PTPDC1: variants seen among roughly 807,000 people sequenced by gnomAD.
The protein encoded by PTPDC1 is protein tyrosine phosphatase domain containing 1, also known as protein tyrosine phosphatase domain-containing protein 1.
In PTPDC1, 53 loss-of-function variants were observed where a neutral mutation model predicts 75.3. The ratio of observed to expected loss-of-function variants is 0.70; its 90% CI spans 0.56 to 0.88. The LOEUF (loss-of-function observed/expected upper bound fraction) is 0.88, where lower values mean the gene tolerates loss of function less well. Ranked by LOEUF, PTPDC1 falls within the 40% of genes least tolerant of loss-of-function variation. PTPDC1 has a pLI of 0.00. For synonymous variants in PTPDC1, 349 were observed against 366.2 expected, an observed-to-expected ratio of 0.95 and a Z score of 0.54; for missense variants, 925 against 998.6, an observed-to-expected ratio of 0.93 and a Z score of 0.99.
intron 8 of PTPDC1, 131 bp downstream of exon 8, chr9:94,104,516 G>A (rs531382870): frequency 1.7e-6 from 1 of 581,272 alleles, no homozygotes; most frequent in South Asian, 2.7e-5. Context: ...ATGGAAATCT[G>A]TTTGACATTT....
At chr9:94,074,504 G>A (rs184679902) in intron 2 of PTPDC1, among the ~76,000 whole-genome samples, 52 of 152,190 alleles carry the variant, frequency 3.4e-4, no homozygotes, top group East Asian at 9.6e-4. Context: ...GCTCATTCCC[G>A]GCTGGGCCCT....
chr9:94,068,166 A>AT (rs777107044), intron 2 of PTPDC1, among the ~76,000 whole-genome samples: 11 of 151,910 alleles, frequency 7.2e-5, no homozygotes, highest in Non-Finnish European at 1.3e-4. Context: ...TGTGATGTTA[A>AT]TTTTTTTATT....
chr9:94,040,782 A>G (rs921263041), intron 1 of PTPDC1, among the ~76,000 whole-genome samples: 3 of 152,182 alleles, frequency 2.0e-5, no homozygotes, highest in Non-Finnish European at 2.9e-5. Flanking sequence ...CATTGCCAAG[A>G]TAATGTTCTG....
chr9:94,089,126 T>A (rs1827186298), intron 4 of PTPDC1, among the ~76,000 whole-genome samples: 1 of 150,096 alleles, frequency 6.7e-6, no homozygotes, highest in South Asian at 2.1e-4. Flanking sequence ...ATGTGCACAT[T>A]GTGCAGGTTA....
intron 8 of PTPDC1, among the ~76,000 whole-genome samples, chr9:94,104,868 T>C (rs1369141681): frequency 1.3e-5 from 2 of 152,218 alleles, no homozygotes; most frequent in Non-Finnish European, 2.9e-5. Context: ...CCCATCCTTT[T>C]GGATGCAGCA....
intron 1 of PTPDC1, 131 bp downstream of exon 1, chr9:94,084,905 C>G: frequency 1.5e-6 from 1 of 656,750 alleles, no homozygotes; most frequent in South Asian, 2.3e-5. Context: ...GTCTGTTATG[C>G]TATTTTAGTG....
Position 94,084,539 on chromosome 9 carries a change from G to T in PTPDC1, c.9G>T (p.Val3=). The change falls in exon 1 of 9, where the codon GTG becomes GTT. Residue 3 remains valine, a synonymous_variant. Coordinates refer to ENST00000620992, the MANE Select transcript of PTPDC1 (RefSeq NM_001253829.2). ...TCTTGCCTCCCAGTGCCATGCAGGT[G>T]CAGGATGCAACCAGGCGGCCCTCAG... The part of the protein sequence containing the change: MQ[V]QDATRRPSAV... 3 of 1,611,234 alleles carry T rather than the reference G, an allele frequency of 1.9e-6. No homozygotes were observed. Among genetic ancestry groups the T allele is most frequent in the Non-Finnish European group, 2.5e-6 (3 of 1,179,964 alleles).
Position 94,095,426 on chromosome 9 carries a change from C to G in PTPDC1, c.726C>G (p.Ile242Met), listed in dbSNP as rs767761321. Residue 242 changes from isoleucine to methionine, a missense_variant, in exon 5 of 9, where the codon ATC (isoleucine) becomes ATG (methionine). By Grantham distance (10) the Ile-to-Met change is conservative (BLOSUM62 1). Transcript: ENST00000620992. The stretch of plus-strand genomic sequence containing the variant: ...CCTTACAGGAAGGAAAAGTAGCTAT[C>G]CATTGTCATGCAGGGCTTGGTCGAA... ...TFALQEGKVA[I>M]HCHAGLGRTG... 6.2e-7 allele frequency: 1 copy of G among 1,613,716 alleles called. No homozygotes were observed. Among genetic ancestry groups the G allele is most frequent in the South Asian group, 1.1e-5 (1 of 90,982 alleles).
At chr9:94,078,577 ACT>A (rs1481111535) in intron 2 of PTPDC1, among the ~76,000 whole-genome samples, 1 of 151,356 alleles carries the variant, frequency 6.6e-6, no homozygotes, top group Non-Finnish European at 1.5e-5. Flanking sequence ...TCCTCTCTCA[ACT>A]CTCTTTCTGT....
At chr9:94,042,091 C>T (rs577566155) in intron 1 of PTPDC1, among the ~76,000 whole-genome samples, 44 of 152,294 alleles carry the variant, frequency 2.9e-4, no homozygotes, top group African/African-American at 1.1e-3. Context: ...CTTACTTATC[C>T]GTAACCTCCC....
intron 3 of PTPDC1, 38 bp from the exon 4 acceptor site, chr9:94,088,107 T>C: frequency 3.1e-6 from 5 of 1,593,006 alleles, no homozygotes; most frequent in Middle Eastern, 1.9e-4. Flanking sequence ...TTTTAAATGC[T>C]AGCTCCCAAT....
chr9:94,039,194 C>G (rs1825357531), intron 1 of PTPDC1, among the ~76,000 whole-genome samples: 1 of 151,994 alleles, frequency 6.6e-6, no homozygotes. Flanking sequence ...CTTAAAATAA[C>G]TGAAAAGAAA....
upstream of PTPDC1, among the ~76,000 whole-genome samples, chr9:94,080,038 A>G (rs1451951049): frequency 1.3e-5 from 2 of 152,200 alleles, no homozygotes; most frequent in African/African-American, 4.8e-5. Flanking sequence ...ATTCCCAGGC[A>G]TCAGAGCTTG....
intron 2 of PTPDC1, 112 bp downstream of exon 2, chr9:94,085,534 C>A: frequency 8.9e-7 from 1 of 1,118,280 alleles, no homozygotes; most frequent in Non-Finnish European, 1.3e-6. Flanking sequence ...GAAGTCAGGA[C>A]CTCACTTTGC....
At chr9:94,043,676 G>A (rs577228575) in intron 1 of PTPDC1, among the ~76,000 whole-genome samples, 7 of 152,154 alleles carry the variant, frequency 4.6e-5, no homozygotes, top group East Asian at 1.9e-4. Context: ...AGCCGTGATC[G>A]CACCACTGCA....
At position 94,074,098 on chromosome 9, in the gene PTPDC1, C is replaced by G. The variant is rs993212116; in HGVS notation, c.82+9277C>G. On this transcript the variant is annotated intron_variant, in intron 2 of 9. Transcript: ENST00000375360. ...GATTCAAGTTGTGATTTTCCTCATT[C>G]TTGGTATGACAAGTGATTTTCAACT... Among the ~76,000 whole-genome samples, 2 of 152,176 alleles carry G rather than the reference C, an allele frequency of 1.3e-5. 1 individual carries two copies. The highest frequency in any genetic ancestry group is 4.8e-5 in the African/African-American group (2 of 41,444).
intron 1 of PTPDC1, among the ~76,000 whole-genome samples, chr9:94,044,377 G>A (rs1351689260): frequency 6.6e-6 from 1 of 152,140 alleles, no homozygotes; most frequent in Non-Finnish European, 1.5e-5. Context: ...TGTGTACCAT[G>A]GTAGTTTGCT....
chr9:94,104,286 G>A lies in PTPDC1; in HGVS notation c.2211G>A (p.Gln737=). The change falls in exon 8 of 9, where the codon CAG becomes CAA. Residue 737 remains glutamine, a synonymous_variant. Transcript: ENST00000620992. Reference sequence around the variant, plus strand: ...TTCTACAAAAACAGGGACAGCACCAGACTATTCTCTGCGTGTTGCACTGCA... The same window carrying A: ...TTCTACAAAAACAGGGACAGCACCAAACTATTCTCTGCGTGTTGCACTGCA... ...ALFLLEKGQH[Q]TILCVLHCIV... is the part of the protein sequence containing the mutation. 6.2e-7 allele frequency: 1 copy of A among 1,612,944 alleles called. No homozygotes were observed. The highest frequency in any genetic ancestry group is 8.5e-7 in the Non-Finnish European group (1 of 1,179,174).
chr9:94,075,701 A>G (rs939096119), intron 2 of PTPDC1, among the ~76,000 whole-genome samples: 2 of 152,162 alleles, frequency 1.3e-5, no homozygotes, highest in African/African-American at 4.8e-5. Flanking sequence ...TTGTGTCCAG[A>G]GTTTCTAAGA....
Sources: allele counts gnomAD v4.1 joint callset (sites outside exome capture counted in the v4.1 genomes callset), GRCh38; gene constraint gnomAD v4.1.1; transcripts MANE v1.5; gene names NCBI Gene and HGNC (gene_info 2026-07-23, HGNC 2026-07-21).